Variants in ZBTB44 observed in about 807,000 individuals in gnomAD.
The protein encoded by ZBTB44 is zinc finger and BTB domain containing 44, also known as zinc finger and BTB domain-containing protein 44.
A neutral mutation model predicts 54.0 loss-of-function variants in ZBTB44; 15 were observed. That is an observed-to-expected ratio of 0.28 (90% confidence interval 0.19 to 0.43). The LOEUF (loss-of-function observed/expected upper bound fraction) is 0.43. ZBTB44 is among the 20% of genes least tolerant of loss of function. The pLI is 1.00. For synonymous variants in ZBTB44, 230 were observed against 250.1 expected (o/e 0.92, Z 0.76); for missense variants, 487 against 707.1 (o/e 0.69, Z 3.53).
At chr11:130,287,008 G>A (rs1363527540) in intron 1 of ZBTB44, among the ~76,000 whole-genome samples, 1 of 152,190 alleles carries the variant, frequency 6.6e-6, no homozygotes, top group Non-Finnish European at 1.5e-5. Context: ...TGTCAATTCT[G>A]GGCTTCTACT....
intron 1 of ZBTB44, among the ~76,000 whole-genome samples, chr11:130,288,577 A>G (rs918835264): frequency 2.6e-5 from 4 of 151,882 alleles, no homozygotes; most frequent in African/African-American, 9.7e-5. Flanking sequence ...GACTACATTA[A>G]CCACTGCTTT....
chr11:130,298,809 CCACA>C (rs887677556), intron 1 of ZBTB44, among the ~76,000 whole-genome samples: 1 of 135,072 alleles, frequency 7.4e-6, no homozygotes, highest in Non-Finnish European at 1.6e-5. Flanking sequence ...TAGAACTGAA[CCACA>C]CAGACACACA....
At chr11:130,242,127 T>C (rs768960587) in intron 2 of ZBTB44, among the ~76,000 whole-genome samples, 3 of 152,210 alleles carry the variant, frequency 2.0e-5, no homozygotes, top group Non-Finnish European at 2.9e-5. Context: ...TGAATACAAG[T>C]GGAAATAAAT....
intron 1 of ZBTB44, among the ~76,000 whole-genome samples, chr11:130,267,729 A>G (rs1002368104): frequency 5.9e-5 from 9 of 152,128 alleles, no homozygotes; most frequent in African/African-American, 1.9e-4. Flanking sequence ...AAGTCCTTCT[A>G]TAAGTAATAT....
intron 1 of ZBTB44, among the ~76,000 whole-genome samples, chr11:130,295,083 C>T (rs1941559400): frequency 6.6e-6 from 1 of 151,958 alleles, no homozygotes; most frequent in African/African-American, 2.4e-5. Context: ...CAATGTCTCA[C>T]CTGCCAATGA....
At chr11:130,247,835 G>A (rs1055171773) in intron 2 of ZBTB44, among the ~76,000 whole-genome samples, 1 of 152,194 alleles carries the variant, frequency 6.6e-6, no homozygotes, top group African/African-American at 2.4e-5. Context: ...CTAGGAGTGG[G>A]GATGGGGTTA....
intron 2 of ZBTB44, among the ~76,000 whole-genome samples, chr11:130,246,272 T>C (rs552542862): frequency 5.6e-4 from 86 of 152,274 alleles, no homozygotes; most frequent in Middle Eastern, 6.8e-3. Flanking sequence ...TATATACACA[T>C]ATATATACAC....
chr11:130,282,301 C>T (rs1940591317), intron 1 of ZBTB44, among the ~76,000 whole-genome samples: 1 of 152,136 alleles, frequency 6.6e-6, no homozygotes, highest in African/African-American at 2.4e-5. Flanking sequence ...CAATAGCTCC[C>T]CATTCTTCCC....
intron 1 of ZBTB44, chr11:130,310,485 A>G (rs1236986186): frequency 6.6e-6 from 1 of 152,120 alleles, no homozygotes; most frequent in Non-Finnish European, 1.5e-5. Context: ...TTAAAAAAAA[A>G]AAAAAGTAAG....
At chr11:130,232,962 C>T (rs1953934752) in intron 7 of ZBTB44, 1 of 185,480 alleles carries the variant, frequency 5.4e-6, no homozygotes, top group South Asian at 1.4e-4. Flanking sequence ...ATGACTTAGC[C>T]ACTATACTCC....
chr11:130,245,883 G>T (rs1410477027), intron 2 of ZBTB44, among the ~76,000 whole-genome samples: 1 of 152,192 alleles, frequency 6.6e-6, no homozygotes, highest in Non-Finnish European at 1.5e-5. Flanking sequence ...TGGTTGAAAA[G>T]AACTAAAATG....
At chr11:130,272,738 T>A (rs2509705) in intron 1 of ZBTB44, among the ~76,000 whole-genome samples, 1 of 132,324 alleles carries the variant, frequency 7.6e-6, no homozygotes, top group Non-Finnish European at 1.8e-5. Flanking sequence ...TAACCTATTT[T>A]GAGTTATTTT....
chr11:130,247,262 A>G (rs1178831059), intron 2 of ZBTB44, among the ~76,000 whole-genome samples: 6 of 152,202 alleles, frequency 3.9e-5, no homozygotes, highest in Non-Finnish European at 8.8e-5. Flanking sequence ...TATAGGGCCC[A>G]GGCAGAAATA....
At chr11:130,303,801 T>C (rs1015734113) in intron 1 of ZBTB44, among the ~76,000 whole-genome samples, 1 of 151,768 alleles carries the variant, frequency 6.6e-6, no homozygotes, top group African/African-American at 2.4e-5. Context: ...TAAAGCTATA[T>C]AAGGAAAGTA....
At chr11:130,308,703 T>C (rs1285313773) in intron 1 of ZBTB44, among the ~76,000 whole-genome samples, 2 of 152,222 alleles carry the variant, frequency 1.3e-5, no homozygotes, top group Non-Finnish European at 2.9e-5. Context: ...CAACTGTTTA[T>C]AGTATTCTTC....
chr11:130,309,726 CT>C (rs1317410848), intron 1 of ZBTB44, among the ~76,000 whole-genome samples: 1 of 151,730 alleles, frequency 6.6e-6, no homozygotes, highest in Non-Finnish European at 1.5e-5. Context: ...GAAACCCCAT[CT>C]CTACTAATAC....
chr11:130,275,213 ATCTT>A (rs1308339181), intron 1 of ZBTB44, among the ~76,000 whole-genome samples: 1 of 151,934 alleles, frequency 6.6e-6, no homozygotes, highest in African/African-American at 2.4e-5. Context: ...TTCATTTGAG[ATCTT>A]TCTTCTTCCT....
chr11:130,241,892 C>T (rs1047347966), intron 2 of ZBTB44, among the ~76,000 whole-genome samples: 5 of 152,152 alleles, frequency 3.3e-5, no homozygotes, highest in African/African-American at 1.2e-4. Context: ...GCAGTGCCTC[C>T]TGTGTTGTAT....
intron 2 of ZBTB44, among the ~76,000 whole-genome samples, chr11:130,253,877 C>T (rs1423719161): frequency 2.6e-5 from 4 of 152,210 alleles, no homozygotes; most frequent in African/African-American, 7.2e-5. Context: ...CAGATATAGA[C>T]CAATGGACCA....
Sources: gnomAD v4.1 joint callset for allele counts (sites outside exome capture counted in the v4.1 genomes callset) on GRCh38, gnomAD v4.1.1 for gene constraint, MANE v1.5 for transcripts, NCBI Gene and HGNC (gene_info 2026-07-23, HGNC 2026-07-21) for gene names.